VWA8: variants seen among roughly 807,000 people sequenced by gnomAD.
The protein encoded by VWA8 is von Willebrand factor A domain-containing protein 8.
VWA8 carries 221 observed loss-of-function variants against 241.5 expected under a neutral mutation model. The ratio of observed to expected loss-of-function variants is 0.91; its 90% CI spans 0.82 to 1.02. VWA8 has a LOEUF of 1.02. Among genes scored for constraint, VWA8 ranks in the 50% least tolerant of loss-of-function variants. The pLI is 0.00. For missense variants in VWA8, 2,322 were observed against 2,328.7 expected (o/e 1.00, Z 0.06); for synonymous variants, 852 against 827.1 (o/e 1.03, Z -0.52).
chr13:41,793,765 G>A (rs988825102), intron 17 of VWA8, among the ~76,000 whole-genome samples: 3 of 152,160 alleles, frequency 2.0e-5, no homozygotes, highest in East Asian at 1.9e-4. Context: ...GCAGTGAGCC[G>A]AGATCGTGCC....
intron 3 of VWA8, among the ~76,000 whole-genome samples, chr13:41,909,753 T>TCACG (rs1161661729): frequency 1.3e-5 from 2 of 152,240 alleles, no homozygotes; most frequent in Non-Finnish European, 2.9e-5. Flanking sequence ...AGGTGCTGAT[T>TCACG]CACGAAAGAG....
chr13:41,843,452 T>A (rs1872146132), intron 12 of VWA8, among the ~76,000 whole-genome samples: 1 of 151,954 alleles, frequency 6.6e-6, no homozygotes, highest in East Asian at 1.9e-4. Context: ...AAAACAAGAA[T>A]AACCTAACTC....
chr13:41,570,686 C>T lies in VWA8; in HGVS notation c.5391G>A (p.Gln1797=), dbSNP rs755224881. The change falls in exon 44 of 45, where the codon CAG becomes CAA. Residue 1797 remains glutamine, a synonymous_variant. Transcript: ENST00000379310. ...ACGTGTGGTCCCCACTCATGCAGAA[C>T]TGAGAGTGGGCATGCATTGTCTGGA... ...EILKTMHAHS[Q]FCMSGDHTLE... is the part of the protein sequence containing the mutation. 8 of 1,614,024 alleles carry T rather than the reference C, an allele frequency of 5.0e-6. 1 individual carries two copies. In the South Asian group the frequency reaches 8.8e-5, roughly 18 times the overall value.
intron 36 of VWA8, among the ~76,000 whole-genome samples, chr13:41,672,713 G>T (rs1048775811): frequency 6.6e-6 from 1 of 152,082 alleles, no homozygotes; most frequent in East Asian, 1.9e-4. Flanking sequence ...CAGTGGGATG[G>T]GACCATATGT....
intron 37 of VWA8, among the ~76,000 whole-genome samples, chr13:41,643,337 G>C (rs1311251488): frequency 3.3e-5 from 5 of 151,986 alleles, no homozygotes; most frequent in Admixed American, 2.6e-4. Context: ...TTCCGATCTG[G>C]ACTCCCAGCC....
rs1555335045 is a variant in VWA8 at position 41,784,727 on chromosome 13, T to TATATATATAC, written c.2171-827_2171-826insGTATATATAT. Among the ~76,000 whole-genome samples the TATATATATAC allele has an allele frequency of 5.1e-3, 355 of 68,938 alleles. 12 individuals are homozygous for TATATATATAC. The highest frequency in any genetic ancestry group is 8.3e-3 in the South Asian group (16 of 1,934). 45.2% of individuals were successfully genotyped at this position (68,938 alleles called of 152,430 possible). A position where few individuals can be genotyped will look rare whatever the true frequency, so the allele number is the denominator to read the frequency against. On this transcript the variant is annotated intron_variant, in intron 18 of 44. Transcript: ENST00000379310. ...ATATATATATATATATATATATATA[T>TATATATATAC]ATACACACACATATATATATATATA...
At chr13:41,626,213 C>A (rs1566392890) in intron 37 of VWA8, among the ~76,000 whole-genome samples, 1 of 151,808 alleles carries the variant, frequency 6.6e-6, no homozygotes, top group African/African-American at 2.4e-5. Context: ...GCGCATGTAC[C>A]CTAAAACTTA....
At chr13:41,811,197 T>TA in intron 17 of VWA8, 28 bp downstream of exon 17, 4 of 1,566,374 alleles carry the variant, frequency 2.6e-6, no homozygotes, top group African/African-American at 1.3e-5. Flanking sequence ...TCCAGAAACT[T>TA]ACACGCAGTG....
At chr13:41,932,402 A>G (rs1411755667) in intron 2 of VWA8, among the ~76,000 whole-genome samples, 1 of 152,126 alleles carries the variant, frequency 6.6e-6, no homozygotes, top group Non-Finnish European at 1.5e-5. Context: ...TATCAATTTT[A>G]TACAAATTCA....
intron 17 of VWA8, among the ~76,000 whole-genome samples, chr13:41,790,419 C>A (rs1307663345): frequency 6.6e-6 from 1 of 151,888 alleles, no homozygotes; most frequent in African/African-American, 2.4e-5. Flanking sequence ...AGGTGTTGAT[C>A]CCAAATATTT....
intron 12 of VWA8, among the ~76,000 whole-genome samples, chr13:41,839,981 T>C (rs1593807977): frequency 1.3e-5 from 2 of 152,350 alleles, no homozygotes; most frequent in South Asian, 4.1e-4. Flanking sequence ...ATTTTCATGA[T>C]ATTGATTTTT....
intron 1 of VWA8, among the ~76,000 whole-genome samples, chr13:41,957,053 C>T (rs959967283): frequency 6.6e-6 from 1 of 152,108 alleles, no homozygotes; most frequent in African/African-American, 2.4e-5. Flanking sequence ...CCAGCCTGGC[C>T]AACATGGTGA....
intron 17 of VWA8, among the ~76,000 whole-genome samples, chr13:41,791,938 T>A (rs1869480058): frequency 6.6e-6 from 1 of 151,690 alleles, no homozygotes; most frequent in African/African-American, 2.4e-5. Flanking sequence ...TAATAATATA[T>A]TTAGGCAAAA....
chr13:41,809,236 C>T (rs1230284993), intron 17 of VWA8, among the ~76,000 whole-genome samples: 1 of 152,088 alleles, frequency 6.6e-6, no homozygotes. Flanking sequence ...TAATGACATT[C>T]TTTACAGAAA....
intron 21 of VWA8, among the ~76,000 whole-genome samples, chr13:41,747,165 T>C (rs139597043): frequency 9.2e-5 from 14 of 152,340 alleles, no homozygotes; most frequent in Middle Eastern, 3.4e-3. Context: ...GGGGATGACA[T>C]TGGATCTATA....
At chr13:41,642,383 C>A (rs1252540453) in intron 37 of VWA8, among the ~76,000 whole-genome samples, 4 of 151,662 alleles carry the variant, frequency 2.6e-5, no homozygotes, top group African/African-American at 7.3e-5. Flanking sequence ...CATAGTGAAA[C>A]CCTGTCTCTA....
intron 2 of VWA8, among the ~76,000 whole-genome samples, chr13:41,921,840 G>A (rs147687824): frequency 0.013 from 1,965 of 152,280 alleles, 22 homozygotes; most frequent in Middle Eastern, 0.048. Flanking sequence ...AATCAGTATC[G>A]TGAAAATGGC....
chr13:41,800,846 C>T (rs1253414938), intron 17 of VWA8, among the ~76,000 whole-genome samples: 1 of 150,898 alleles, frequency 6.6e-6, no homozygotes, highest in Non-Finnish European at 1.5e-5. Flanking sequence ...AAATTTCCCA[C>T]TCCAAATAGC....
intron 10 of VWA8, among the ~76,000 whole-genome samples, chr13:41,867,955 A>T (rs1339992862): frequency 6.6e-6 from 1 of 152,194 alleles, no homozygotes; most frequent in African/African-American, 2.4e-5. Flanking sequence ...TCCCTCTCTA[A>T]AAACAATTCA....
Sources: allele counts gnomAD v4.1 joint callset (sites outside exome capture counted in the v4.1 genomes callset), GRCh38; gene constraint gnomAD v4.1.1; transcripts MANE v1.5; gene names NCBI Gene and HGNC (gene_info 2026-07-23, HGNC 2026-07-21).